The following PTCH2 variants were observed in gnomAD, a reference collection of about 807,000 sequenced individuals.
PTCH2 encodes the protein protein patched homolog 2.
Under a neutral mutation model 117.9 loss-of-function variants are expected in PTCH2, and 96 were observed. The ratio of observed to expected loss-of-function variants is 0.81; its 90% CI spans 0.69 to 0.96. PTCH2 has a LOEUF of 0.96. Ranked by LOEUF, PTCH2 falls within the 50% of genes least tolerant of loss-of-function variation. The pLI is 0.00. For missense variants in PTCH2, 1,379 were observed against 1,562.5 expected, an observed-to-expected ratio of 0.88 and a Z score of 1.98; for synonymous variants, 615 against 660.9, an observed-to-expected ratio of 0.93 and a Z score of 1.06.
intron 2 of PTCH2, 60 bp from the exon 3 acceptor site, chr1:44,832,401 A>C (rs750789735): frequency 1.2e-5 from 19 of 1,579,692 alleles, no homozygotes; most frequent in Non-Finnish European, 1.6e-5. Context: ...AGAACTTGGG[A>C]AGGGGGCTTC....
rs1168877744 is a variant in PTCH2, at chr1:44,831,755, C to T, written c.568G>A (p.Asp190Asn). ...LFPCVILTPL[D>N]CFWEGAKLQG... ...AGTTTGGCTCCCTCCCAGAAGCAGTCGAGGGGGGTGAGGATCACGCACGGA... is the reference window on the plus strand; with the variant it reads ...AGTTTGGCTCCCTCCCAGAAGCAGTTGAGGGGGGTGAGGATCACGCACGGA... The change falls in exon 5 of 22, where the codon GAC becomes AAC. Residue 190 changes from aspartate (D) to asparagine (N), a missense_variant. Asp to Asn is a conservative substitution (Grantham distance 23). Coordinates refer to ENST00000372192, the MANE Select transcript of PTCH2 (RefSeq NM_003738.5). The surrounding 1 kb of genome is among the most constrained non-coding windows in gnomAD (Gnocchi z 4.3). The T allele has an allele frequency of 2.5e-6, 4 of 1,583,676 alleles. No homozygotes were observed. Among genetic ancestry groups the T allele is most frequent in the Non-Finnish European group, 1.7e-6 (2 of 1,164,942 alleles).
In PTCH2 at chr1:44,829,527, G is replaced by T; in HGVS notation, c.1090C>A (p.Gln364Lys). The part of the protein sequence containing the change: ...AWQRRFVQLA[Q>K]EALPENASQQ... ...GAAGCGTTCTCAGGCAGGGCCTCCT[G>T]GGCCAGCTGGAGAAACAGGGTGGAT... Residue 364 changes from glutamine (Q) to lysine (K), a missense_variant, in exon 9 of 22, where the codon CAG (glutamine) becomes AAG (lysine). By Grantham distance (53) the Gln-to-Lys change is moderately conservative (BLOSUM62 1). Coordinates refer to ENST00000372192, the MANE Select transcript of PTCH2 (RefSeq NM_003738.5). The T allele has an allele frequency of 6.2e-7, 1 of 1,614,174 alleles. No homozygotes were observed. Among genetic ancestry groups the T allele is most frequent in the Non-Finnish European group, 8.5e-7 (1 of 1,180,018 alleles).
At position 44,841,858 on chromosome 1, in the gene PTCH2, A is replaced by C; in HGVS notation, c.254T>G (p.Leu85Arg). The change falls in exon 2 of 22, where the codon CTC (leucine) becomes CGC (arginine). Residue 85 changes from leucine to arginine, a missense_variant. Physicochemically the swap from Leu to Arg is moderately radical, Grantham distance 102 (BLOSUM62 -2). Coordinates refer to ENST00000372192, the MANE Select transcript of PTCH2 (RefSeq NM_003738.5). ...TGTCCACAACTTACCTTCTACCCAGAGCTGTTCCAAGTTTGTCTCAATAAT... is the reference window on the plus strand; with the variant it reads ...TGTCCACAACTTACCTTCTACCCAGCGCTGTTCCAAGTTTGTCTCAATAAT... Reference protein sequence around the residue: ...MAIIETNLEQLWVEVGSRVSQ... With the variant: ...MAIIETNLEQRWVEVGSRVSQ... The C allele has an allele frequency of 6.2e-7, 1 of 1,614,164 alleles. No homozygotes were observed. The highest frequency in any genetic ancestry group is 8.5e-7 in the Non-Finnish European group (1 of 1,180,020).
chr1:44,828,043 G>A lies in PTCH2; in HGVS notation c.1858C>T (p.Gln620Ter), dbSNP rs1048597228. 1 of 1,614,030 alleles carries A rather than the reference G, an allele frequency of 6.2e-7. No individual in the cohort carries two copies. The highest frequency in any genetic ancestry group is 1.3e-5 in the African/African-American group (1 of 74,948). ...GAAGGTGGGGGCACCAGGTGGGCTT[G>A]GGGAGGCAGGATGGTGACCACATGC... ...SQHVVTILPP[Q>*]AHLVPPPSDP... The change falls in exon 14 of 22, where the codon CAA becomes TAA. Residue 620 changes from glutamine to a stop codon, truncating the protein, a stop_gained. Coordinates refer to ENST00000372192, the MANE Select transcript of PTCH2 (RefSeq NM_003738.5). LOFTEE classifies it high-confidence loss of function.
Position 44,826,753 on chromosome 1 carries a change from G to A in PTCH2, c.2711C>T (p.Pro904Leu), listed in dbSNP as rs755008465. ...GAAGGGGAACTGGGCAAACTCCAAGGGCTGAGCTGGCGGGACTGTGGAGGG... is the reference window on the plus strand; with the variant it reads ...GAAGGGGAACTGGGCAAACTCCAAGAGCTGAGCTGGCGGGACTGTGGAGGG... ...GENLRIPPAQ[P>L]LEFAQFPFLL... Residue 904 changes from proline to leucine, a missense_variant, in exon 18 of 22, where the codon CCC (proline) becomes CTC (leucine). Transcript: ENST00000372192. This position sits in a 1 kb window ranked among gnomAD's most constrained non-coding sequence, Gnocchi z 5.1. 4.2e-5 allele frequency: 67 copies of A among 1,596,632 alleles called. No homozygotes were observed. The highest frequency in any genetic ancestry group is 1.8e-4 in the South Asian group (16 of 89,152).
Position 44,842,785 on chromosome 1 carries a change from A to G in PTCH2, c.72+76T>C, listed in dbSNP as rs546065361. On this transcript the variant is annotated intron_variant, in intron 1 of 21. Transcript: ENST00000372192. ...CTAATGACACTCGGCACTTCAAGACATCACAAACCTTGCAGAGGCCCGAGT... is the reference window on the plus strand; with the variant it reads ...CTAATGACACTCGGCACTTCAAGACGTCACAAACCTTGCAGAGGCCCGAGT... 1.1e-5 allele frequency: 15 copies of G among 1,404,362 alleles called. 1 individual carries two copies. The South Asian group carries it at 1.9e-4, about 17-fold the overall frequency. 87.0% of individuals were successfully genotyped at this position (1,404,362 alleles called of 1,614,324 possible). A position where few individuals can be genotyped will look rare whatever the true frequency, so the allele number is the denominator to read the frequency against.
At position 44,828,489 on chromosome 1, in the gene PTCH2, C is replaced by T. The variant is rs753968565; in HGVS notation, c.1590+17G>A. ...GCCCCACACCCACCCTGAGCTGCCC[C>T]GTGTGAGAGGCCTCACCTGTAGGGA... On this transcript the variant is annotated intron_variant, in intron 12 of 21. Transcript: ENST00000372192. 7.4e-6 allele frequency: 12 copies of T among 1,614,048 alleles called. No individual in the cohort carries two copies. The highest frequency in any genetic ancestry group is 4.4e-5 in the South Asian group (4 of 91,086).
In PTCH2 at chr1:44,822,257, T is replaced by C. The variant is rs1452445578; in HGVS notation, c.*158A>G. On this transcript the variant is annotated 3_prime_UTR_variant, in exon 22 of 22. Transcript: ENST00000372192. Reference sequence around the variant, plus strand: ...TGGATGTGCAAATCGGTGGCTGTTCTGTATGGATATCAGGGAGGCCCATGA... The same window carrying C: ...TGGATGTGCAAATCGGTGGCTGTTCCGTATGGATATCAGGGAGGCCCATGA... 1 of 1,548,682 alleles carries C rather than the reference T, an allele frequency of 6.5e-7. No homozygotes were observed. The highest frequency in any genetic ancestry group is 8.7e-7 in the Non-Finnish European group (1 of 1,155,600).
In PTCH2 at chr1:44,831,598, A is replaced by T; in HGVS notation, c.617+108T>A. On this transcript the variant is annotated intron_variant, in intron 5 of 21. Coordinates refer to ENST00000372192, the MANE Select transcript of PTCH2 (RefSeq NM_003738.5). The surrounding 1 kb of genome is among the most constrained non-coding windows in gnomAD (Gnocchi z 4.3). Reference sequence around the variant, plus strand: ...GCTCTCTGTTCCTGGCCTGGGAGGTAATTAGGACCTTGGTAAGGTTTTGAT... The same window carrying T: ...GCTCTCTGTTCCTGGCCTGGGAGGTTATTAGGACCTTGGTAAGGTTTTGAT... 1.8e-6 allele frequency: 2 copies of T among 1,097,354 alleles called. No homozygotes were observed. Among genetic ancestry groups the T allele is most frequent in the Non-Finnish European group, 2.7e-6 (2 of 737,714 alleles). The allele number at this position is 1,097,354 out of a possible 1,614,324, so 68.0% of individuals were successfully genotyped here.
downstream of PTCH2, chr1:44,820,151 C>A: frequency 2.9e-6 from 1 of 347,120 alleles, no homozygotes; most frequent in East Asian, 7.7e-5. Context: ...CAGAAATGCG[C>A]GCACAGAGGG....
At position 44,827,483 on chromosome 1, in the gene PTCH2, T is replaced by G. The variant is rs769359308; in HGVS notation, c.2290A>C (p.Ser764Arg). The G allele has an allele frequency of 7.4e-6, 12 of 1,613,990 alleles. No homozygotes were observed. The South Asian group carries it at 1.2e-4, about 16-fold the overall frequency. Residue 764 changes from serine (S) to arginine (R), a missense_variant, in exon 15 of 22, where the codon AGT becomes CGT. Transcript: ENST00000372192. Reference sequence around the variant, plus strand: ...GGGGGCAGCACCGCCTTGAGGGAACTGAAGCGCTGGTGCAGATCAAAGAGG... The same window carrying G: ...GGGGGCAGCACCGCCTTGAGGGAACGGAAGCGCTGGTGCAGATCAAAGAGG... ...RALFDLHQRF[S>R]SLKAVLPPPA...
rs756462131 is a variant in PTCH2, at chr1:44,826,601, C to T, written c.2863G>A (p.Glu955Lys). ...CAGCGCCGCAGGCCCAGATACTGTT[C>T]CCAGAAGAGGAAGGGGGAGCCGCTG... is the stretch of plus-strand genomic sequence containing the variant. ...YPSGSPFLFW[E>K]QYLGLRRCFL... The change falls in exon 18 of 22, where the codon GAA (glutamate) becomes AAA (lysine). Residue 955 changes from glutamate to lysine, a missense_variant. By Grantham distance (56) the Glu-to-Lys change is moderately conservative (BLOSUM62 1). Transcript: ENST00000372192. This position sits in a 1 kb window ranked among gnomAD's most constrained non-coding sequence, Gnocchi z 5.1. 6.2e-7 allele frequency: 1 copy of T among 1,613,380 alleles called. No homozygotes were observed. The highest frequency in any genetic ancestry group is 2.2e-5 in the East Asian group (1 of 44,886).
At position 44,829,644 on chromosome 1, in the gene PTCH2, C is replaced by T; in HGVS notation, c.1053G>A (p.Val351=). ...CAAAGCGCCGCTGCCAGGCTTGTAG[C>T]ACTGTGCTGGCCTGCTCCTCACTCC... ...IGWSEEQAST[V]LQAWQRRFVQ... The change falls in exon 8 of 22, where the codon GTG becomes GTA. Residue 351 remains valine (V), a synonymous_variant. Transcript: ENST00000372192. 2 of 1,614,204 alleles carry T rather than the reference C, an allele frequency of 1.2e-6. No homozygotes were observed. The highest frequency in any genetic ancestry group is 1.7e-6 in the Non-Finnish European group (2 of 1,180,040).
intron 1 of PTCH2, among the ~76,000 whole-genome samples, chr1:44,842,303 G>C (rs1214812036): frequency 7.7e-6 from 1 of 129,662 alleles, no homozygotes; most frequent in Non-Finnish European, 1.6e-5. Flanking sequence ...TTTTTGAGAC[G>C]CAGTCTCGCT....
chr1:44,823,394 A>T lies in PTCH2; in HGVS notation c.3115-9T>A. On this transcript the variant is annotated splice_polypyrimidine_tract_variant and intron_variant, in intron 19 of 21. Coordinates refer to ENST00000372192, the MANE Select transcript of PTCH2 (RefSeq NM_003738.5). This position sits in a 1 kb window ranked among gnomAD's most constrained non-coding sequence, Gnocchi z 5.1. ...TGGGTGGTCAGGAAGCCCTAGGAAA[A>T]CAGAGTGGTCCTGGAGCTGCTCCTC... is the stretch of plus-strand genomic sequence containing the variant. The T allele has an allele frequency of 6.2e-7, 1 of 1,614,086 alleles. No homozygotes were observed. The highest frequency in any genetic ancestry group is 8.5e-7 in the Non-Finnish European group (1 of 1,180,026).
intron 2 of PTCH2, among the ~76,000 whole-genome samples, chr1:44,840,284 G>A (rs1404379393): frequency 6.6e-6 from 1 of 151,326 alleles, no homozygotes; most frequent in Non-Finnish European, 1.5e-5. Context: ...TGTATTTTTA[G>A]TAGAGATGGG....
chr1:44,823,203 CTGTCCT>C lies in PTCH2; in HGVS notation c.3257+34_3258-36del. ...GGGTGTGGGGGGAGTCAGCCCAGGC[CTGTCCT>C]GAGCCCTGCCTCCCTGCCCCGAGCC... On this transcript the variant is annotated intron_variant, in intron 20 of 21. Coordinates refer to ENST00000372192, the MANE Select transcript of PTCH2 (RefSeq NM_003738.5). This position sits in a 1 kb window ranked among gnomAD's most constrained non-coding sequence, Gnocchi z 5.1. 6.2e-7 allele frequency: 1 copy of C among 1,614,174 alleles called. No homozygotes were observed. Among genetic ancestry groups the C allele is most frequent in the Non-Finnish European group, 8.5e-7 (1 of 1,180,000 alleles).
Position 44,831,861 on chromosome 1 carries a change from A to C in PTCH2, c.526-64T>G, listed in dbSNP as rs1653462551. On this transcript the variant is annotated intron_variant, in intron 4 of 21. Transcript: ENST00000372192. This position sits in a 1 kb window ranked among gnomAD's most constrained non-coding sequence, Gnocchi z 4.3. ...CAACCTTTGTAGGATGCCCTCTGCA[A>C]TCCCCCTCCTTAGTTTTAAGGGGGC... The C allele has an allele frequency of 1.3e-6, 2 of 1,585,690 alleles. No individual in the cohort carries two copies. The highest frequency in any genetic ancestry group is 2.2e-5 in the South Asian group (2 of 90,520).
intron 21 of PTCH2, 116 bp downstream of exon 21, chr1:44,822,953 G>T (rs908404697): frequency 6.7e-6 from 8 of 1,187,408 alleles, no homozygotes; most frequent in Admixed American, 2.1e-5. Flanking sequence ...TTCAGCTGGT[G>T]GCACCTGTTG....
Sources: allele counts gnomAD v4.1 joint callset (sites outside exome capture counted in the v4.1 genomes callset), GRCh38; gene constraint gnomAD v4.1.1; non-coding constraint Gnocchi (gnomAD v3.1); transcripts MANE v1.5; gene names NCBI Gene and HGNC (gene_info 2026-07-23, HGNC 2026-07-21).